The following CRPPA variants were observed in gnomAD, a reference collection of about 807,000 sequenced individuals.
The protein encoded by CRPPA is D-ribitol-5-phosphate cytidylyltransferase.
A neutral mutation model predicts 52.0 loss-of-function variants in CRPPA; 43 were observed. The ratio of observed to expected loss-of-function variants is 0.83; its 90% confidence interval spans 0.65 to 1.07. CRPPA has a LOEUF of 1.07. CRPPA is among the 50% of genes least tolerant of loss of function. The pLI is 0.00. For missense variants in CRPPA, 629 were observed against 551.7 expected (o/e 1.14, Z -1.40); for synonymous variants, 250 against 203.5 (o/e 1.23, Z -1.94).
intron 5 of CRPPA, among the ~76,000 whole-genome samples, chr7:16,288,845 C>CAAAAA (rs71007760): frequency 0.13 from 4,525 of 34,652 alleles, 707 homozygotes; most frequent in Non-Finnish European, 0.17. Flanking sequence ...GACTCTGCCT[C>CAAAAA]AAAAAAAAAA....
intron 3 of CRPPA, among the ~76,000 whole-genome samples, chr7:16,327,557 CA>C (rs564136053): frequency 1.0e-3 from 146 of 139,084 alleles, no homozygotes; most frequent in African/African-American, 3.8e-3. Context: ...TGCGCCACTG[CA>C]GTCCGCAGTC....
Position 16,412,749 on chromosome 7 carries a change from C to T in CRPPA, c.258-6412G>A, listed in dbSNP as rs147697655. ...CTCTTAACTGAGGACAAGTCCACAC[C>T]AAACCCTCAGCAGCCTAATTCTGTC... On this transcript the variant is annotated intron_variant, in intron 1 of 9. Coordinates refer to ENST00000407010, the MANE Select transcript of CRPPA (RefSeq NM_001101426.4). Among the ~76,000 whole-genome samples the T allele has an allele frequency of 2.0e-5, 3 of 152,322 alleles. No individual in the cohort carries two copies. In the East Asian group the frequency reaches 5.8e-4, roughly 29 times the overall value.
chr7:16,308,833 C>T (rs763161780), intron 3 of CRPPA, among the ~76,000 whole-genome samples: 1 of 152,144 alleles, frequency 6.6e-6, no homozygotes, highest in Non-Finnish European at 1.5e-5. Flanking sequence ...TGAAGCAAAA[C>T]AAATAGTGAA....
chr7:16,299,063 C>G (rs957364807), intron 5 of CRPPA, among the ~76,000 whole-genome samples: 1 of 152,200 alleles, frequency 6.6e-6, no homozygotes, highest in Non-Finnish European at 1.5e-5. Context: ...ATGTATGCAT[C>G]TTATCTATAT....
chr7:16,408,142 A>C (rs569854466), intron 1 of CRPPA, among the ~76,000 whole-genome samples: 1 of 151,700 alleles, frequency 6.6e-6, no homozygotes, highest in East Asian at 1.9e-4. Flanking sequence ...ACTTATCAGC[A>C]TCGAGGATAC....
intron 9 of CRPPA, among the ~76,000 whole-genome samples, chr7:16,161,105 C>G (rs1783294770): frequency 6.6e-6 from 1 of 151,214 alleles, no homozygotes; most frequent in African/African-American, 2.4e-5. Flanking sequence ...ATACAATATA[C>G]ACATACAATC....
At chr7:16,092,417 A>G (rs1176439411) in intron 9 of CRPPA, among the ~76,000 whole-genome samples, 2 of 152,216 alleles carry the variant, frequency 1.3e-5, no homozygotes, top group African/African-American at 2.4e-5. Context: ...GAATTGTGCT[A>G]TCTTTTAAAA....
chr7:16,112,646 G>T (rs543425019), intron 9 of CRPPA, among the ~76,000 whole-genome samples: 1 of 152,232 alleles, frequency 6.6e-6, no homozygotes, highest in Admixed American at 6.5e-5. Context: ...AACAAAAAAA[G>T]AGACATTGTA....
chr7:16,323,396 T>C (rs1785306016), intron 3 of CRPPA, among the ~76,000 whole-genome samples: 1 of 152,200 alleles, frequency 6.6e-6, no homozygotes, highest in Non-Finnish European at 1.5e-5. Flanking sequence ...GTCAATAGAA[T>C]GAGGAAGAAG....
chr7:16,383,989 T>A (rs1330802151), intron 2 of CRPPA, among the ~76,000 whole-genome samples: 1 of 152,198 alleles, frequency 6.6e-6, no homozygotes, highest in Non-Finnish European at 1.5e-5. Flanking sequence ...TCGCGCACGG[T>A]GCGCTGCACT....
chr7:16,272,996 G>C (rs1484534303), intron 6 of CRPPA, among the ~76,000 whole-genome samples: 1 of 149,540 alleles, frequency 6.7e-6, no homozygotes, highest in Non-Finnish European at 1.5e-5. Flanking sequence ...TTAAGTTTTA[G>C]GGTACATGTG....
chr7:16,412,056 C>G (rs1210266113), intron 1 of CRPPA, among the ~76,000 whole-genome samples: 1 of 152,182 alleles, frequency 6.6e-6, no homozygotes, highest in Non-Finnish European at 1.5e-5. Context: ...CCCAATTTTA[C>G]TAGATTGCCT....
intron 9 of CRPPA, among the ~76,000 whole-genome samples, chr7:16,205,508 T>C (rs1562555744): frequency 6.6e-6 from 1 of 152,190 alleles, no homozygotes; most frequent in Non-Finnish European, 1.5e-5. Flanking sequence ...CTAAATACGA[T>C]ACCTTCATTA....
At chr7:16,291,768 G>C (rs529642386) in intron 5 of CRPPA, among the ~76,000 whole-genome samples, 20 of 151,898 alleles carry the variant, frequency 1.3e-4, no homozygotes, top group African/African-American at 1.4e-4. Flanking sequence ...AAAAATGTTT[G>C]AGATGATTGA....
intron 8 of CRPPA, among the ~76,000 whole-genome samples, chr7:16,251,169 A>G (rs1178882687): frequency 6.6e-6 from 1 of 152,146 alleles, no homozygotes; most frequent in Non-Finnish European, 1.5e-5. Flanking sequence ...TGCAACAAGA[A>G]GAGCTAACTA....
intron 9 of CRPPA, among the ~76,000 whole-genome samples, chr7:16,193,003 C>G (rs959674002): frequency 5.9e-5 from 9 of 152,038 alleles, no homozygotes; most frequent in African/African-American, 2.2e-4. Flanking sequence ...CTAATTTTTT[C>G]ATTCTTTTAA....
intron 9 of CRPPA, among the ~76,000 whole-genome samples, chr7:16,131,261 C>G (rs1019467370): frequency 6.6e-6 from 1 of 152,064 alleles, no homozygotes; most frequent in Non-Finnish European, 1.5e-5. Context: ...TTGCCATGAA[C>G]AGACCATTAG....
At chr7:16,149,224 C>A (rs1783029419) in intron 9 of CRPPA, among the ~76,000 whole-genome samples, 1 of 152,074 alleles carries the variant, frequency 6.6e-6, no homozygotes, top group South Asian at 2.1e-4. Context: ...CTATGGATCC[C>A]AGGAATCTAT....
rs538686580 is a variant in CRPPA, at chr7:16,236,206, G to A, written c.1120-20009C>T. 1.3e-4 allele frequency among the ~76,000 whole-genome samples: 20 copies of A among 152,074 alleles called. No homozygotes were observed. In the East Asian group the frequency reaches 3.3e-3, roughly 25 times the overall value. On this transcript the variant is annotated intron_variant, in intron 8 of 9. Transcript: ENST00000407010. ...CATTAACTAAGAAAATTTAAATCTA[G>A]AGGCCTCTCACTATATTCTCGAAGT...
Sources: allele counts gnomAD v4.1 joint callset (sites outside exome capture counted in the v4.1 genomes callset), GRCh38; gene constraint gnomAD v4.1.1; transcripts MANE v1.5; gene names NCBI Gene and HGNC (gene_info 2026-07-23, HGNC 2026-07-21).